Variants in CIBAR1 observed in about 807,000 individuals in gnomAD.
The protein encoded by CIBAR1 is CBY1-interacting BAR domain-containing protein 1.
In CIBAR1, 25 loss-of-function variants were observed where a neutral mutation model predicts 44.0. That is an observed-to-expected ratio of 0.57 (90% CI 0.41 to 0.79). The LOEUF is 0.79. Ranked by LOEUF, CIBAR1 falls within the 30% of genes least tolerant of loss-of-function variation. CIBAR1 has a pLI of 0.00. For synonymous variants in CIBAR1, 115 were observed against 119.0 expected, an observed-to-expected ratio of 0.97 and a Z score of 0.22; for missense variants, 278 against 344.8, an observed-to-expected ratio of 0.81 and a Z score of 1.53.
intron 7 of CIBAR1, among the ~76,000 whole-genome samples, chr8:93,723,743 T>C (rs72666488): frequency 0.012 from 1,871 of 152,170 alleles, 27 homozygotes; most frequent in Non-Finnish European, 0.016. Context: ...AAAGCAGTAC[T>C]TGAGGGTATG....
At chr8:93,709,953 A>C (rs1810756573) in intron 6 of CIBAR1, 78 bp downstream of exon 6, 1 of 1,158,610 alleles carries the variant, frequency 8.6e-7, no homozygotes, top group Non-Finnish European at 1.2e-6. Flanking sequence ...AAATTACTCT[A>C]AATTTTTTAG....
At chr8:93,705,993 T>C (rs1287824547) in intron 4 of CIBAR1, 1 of 152,004 alleles carries the variant, frequency 6.6e-6, no homozygotes, top group Non-Finnish European at 1.5e-5. Context: ...ACATCCCTAC[T>C]GCCTCTTTTT....
At position 93,728,447 on chromosome 8, in the gene CIBAR1, T is replaced by C. The variant is rs1339434207; in HGVS notation, c.*150T>C. The C allele has an allele frequency of 3.9e-6, 2 of 517,796 alleles. No homozygotes were observed. Among genetic ancestry groups the C allele is most frequent in the Non-Finnish European group, 6.8e-6 (2 of 295,432 alleles). The allele number at this position is 517,796 out of a possible 1,614,324, so 32.1% of individuals were successfully genotyped here. On this transcript the variant is annotated 3_prime_UTR_variant, in exon 9 of 9. Coordinates refer to ENST00000518322, the MANE Select transcript of CIBAR1 (RefSeq NM_145269.5). ...AAAGGAAACTTATGCTGACCAAAAA[T>C]GAAGGCTTTAAAAAATATTGCATAC...
Position 93,710,211 on chromosome 8 carries a change from G to A in CIBAR1, c.543+336G>A, listed in dbSNP as rs142773487. On this transcript the variant is annotated intron_variant, in intron 6 of 8. Transcript: ENST00000518322. ...AGGATCACCTGAGCCTGGGGAGGTC[G>A]AGGCAGCAGTGAGCCATGACCGTGC... 4.8e-3 allele frequency among the ~76,000 whole-genome samples: 737 copies of A among 152,016 alleles called. 8 individuals carry two copies. Among genetic ancestry groups the A allele is most frequent in the African/African-American group, 0.017 (693 of 41,448 alleles).
intron 6 of CIBAR1, among the ~76,000 whole-genome samples, chr8:93,717,639 A>G (rs1166081574): frequency 6.6e-6 from 1 of 152,202 alleles, no homozygotes; most frequent in African/African-American, 2.4e-5. Flanking sequence ...CTATATGGCT[A>G]TCCTCCAAAG....
intron 2 of CIBAR1, chr8:93,701,727 C>T: frequency 4.4e-6 from 2 of 455,332 alleles, no homozygotes; most frequent in Non-Finnish European, 7.9e-6. Flanking sequence ...TGGCTGTTTA[C>T]TGGGGGTAGT....
chr8:93,702,318 CAAGT>C, intron 2 of CIBAR1: 1 of 399,468 alleles, frequency 2.5e-6, no homozygotes. Context: ...CTGTAATAAA[CAAGT>C]AACTCTCAAT....
chr8:93,719,993 C>G (rs1586284414), intron 7 of CIBAR1: 1 of 150,264 alleles, frequency 6.7e-6, no homozygotes, highest in South Asian at 2.1e-4. Context: ...GTATCTTCCC[C>G]CGCCTTCCAA....
At chr8:93,711,043 T>A (rs1309344420) in intron 6 of CIBAR1, among the ~76,000 whole-genome samples, 1 of 152,198 alleles carries the variant, frequency 6.6e-6, no homozygotes, top group Non-Finnish European at 1.5e-5. Context: ...TAAATTTGCA[T>A]CTACTATGAT....
intron 2 of CIBAR1, among the ~76,000 whole-genome samples, chr8:93,703,286 T>C (rs1810438233): frequency 6.6e-6 from 1 of 152,234 alleles, no homozygotes. Flanking sequence ...AGAGATAATA[T>C]ATGCAAAGTA....
chr8:93,718,868 T>TA, intron 7 of CIBAR1, 80 bp downstream of exon 7: 1 of 910,104 alleles, frequency 1.1e-6, no homozygotes, highest in South Asian at 2.1e-5. Context: ...GTGATTAATA[T>TA]CTTTTTTTTT....
Position 93,726,478 on chromosome 8 carries a change from T to A in CIBAR1, c.742T>A (p.Ser248Thr). Residue 248 changes from serine to threonine, a missense_variant, in exon 8 of 9, where the codon TCA becomes ACA. By Grantham distance (58) the Ser-to-Thr change is moderately conservative (BLOSUM62 1). Around this residue, in one of 3 missense-constraint regions of CIBAR1, gnomAD observed 93 missense variants for 108.9 expected, o/e 0.85. Transcript: ENST00000518322. ...AAATTCAAAGTCACCTCTTCAGAGA[T>A]CACTGTCAGCTAAGTGTGTATCTGG... ...RANSKSPLQR[S>T]LSAKCVSGTG... The A allele has an allele frequency of 6.2e-7, 1 of 1,613,762 alleles. No homozygotes were observed. Among genetic ancestry groups the A allele is most frequent in the Non-Finnish European group, 8.5e-7 (1 of 1,179,740 alleles).
chr8:93,709,370 G>C (rs1810729586), intron 5 of CIBAR1, among the ~76,000 whole-genome samples: 2 of 152,176 alleles, frequency 1.3e-5, no homozygotes, highest in African/African-American at 4.8e-5. Context: ...GGGGAGAAAT[G>C]GCTAATGGAG....
In CIBAR1 at chr8:93,703,696, A is replaced by T; in HGVS notation, c.330+8A>T. ...ATTGTGAAAATGAAACGGGTAAGTAAATCCATTTTCTCACTTAACTGTGAG... is the reference window on the plus strand; with the variant it reads ...ATTGTGAAAATGAAACGGGTAAGTATATCCATTTTCTCACTTAACTGTGAG... On this transcript the variant is annotated splice_region_variant and intron_variant, in intron 3 of 8. Transcript: ENST00000518322. 6.5e-7 allele frequency: 1 copy of T among 1,544,960 alleles called. No individual in the cohort carries two copies. Among genetic ancestry groups the T allele is most frequent in the Non-Finnish European group, 8.7e-7 (1 of 1,144,338 alleles).
intron 6 of CIBAR1, among the ~76,000 whole-genome samples, chr8:93,713,696 G>C (rs1412954234): frequency 1.3e-5 from 2 of 152,018 alleles, no homozygotes; most frequent in African/African-American, 4.8e-5. Flanking sequence ...TCATTCTTTT[G>C]CATATGACTG....
chr8:93,728,111 T>C, intron 8 of CIBAR1, 94 bp from the exon 9 acceptor site: 1 of 594,766 alleles, frequency 1.7e-6, no homozygotes, highest in Non-Finnish European at 2.6e-6. Context: ...GAAATATTTG[T>C]TGTGTGCCCT....
intron 6 of CIBAR1, among the ~76,000 whole-genome samples, chr8:93,716,341 G>C (rs1453263898): frequency 6.6e-6 from 1 of 151,734 alleles, no homozygotes; most frequent in African/African-American, 2.4e-5. Context: ...ACTGCACCCG[G>C]CCTGTGTTTG....
At chr8:93,727,255 TA>T in intron 8 of CIBAR1, 4 of 1,151,842 alleles carry the variant, frequency 3.5e-6, no homozygotes, top group Non-Finnish European at 4.6e-6. Flanking sequence ...GTAAATTTGA[TA>T]CCATACTTTC....
intron 6 of CIBAR1, among the ~76,000 whole-genome samples, chr8:93,713,649 A>G (rs1211690640): frequency 6.6e-6 from 1 of 152,074 alleles, no homozygotes; most frequent in African/African-American, 2.4e-5. Context: ...ATTTGAATTA[A>G]TTTTTATATA....
Sources: gnomAD v4.1 joint callset for allele counts (sites outside exome capture counted in the v4.1 genomes callset) on GRCh38, gnomAD v4.1.1 for gene constraint, gnomAD v4.1.1 regional missense constraint, MANE v1.5 for transcripts, NCBI Gene and HGNC (gene_info 2026-07-23, HGNC 2026-07-21) for gene names.